Variants in UMAD1 observed in about 807,000 individuals in gnomAD.
The protein encoded by UMAD1 is UBAP1-MVB12-associated (UMA)-domain containing protein 1.
Under a neutral mutation model 6.1 loss-of-function variants are expected in UMAD1, and 8 were observed. The observed-to-expected ratio is 1.30, with a 90% CI of 0.76 to 2.35. The LOEUF (loss-of-function observed/expected upper bound fraction) is 2.35, where lower values mean the gene tolerates loss of function less well. Ranked by LOEUF, UMAD1 falls within the 30% of genes most tolerant of loss-of-function variation. UMAD1 has a pLI of 0.00. For synonymous variants in UMAD1, 56 were observed against 31.4 expected, an observed-to-expected ratio of 1.78 and a Z score of -2.61; for missense variants, 130 against 78.4, an observed-to-expected ratio of 1.66 and a Z score of -2.49.
chr7:7,841,124 A>C (rs1316130309), intron 3 of UMAD1, among the ~76,000 whole-genome samples: 1 of 152,172 alleles, frequency 6.6e-6, no homozygotes, highest in Non-Finnish European at 1.5e-5. Context: ...TTTATTTTAC[A>C]TTCCCAAATT....
intron 3 of UMAD1, among the ~76,000 whole-genome samples, chr7:7,870,142 T>G (rs1784307781): frequency 6.6e-6 from 1 of 152,242 alleles, no homozygotes; most frequent in Non-Finnish European, 1.5e-5. Context: ...AAGAAATAGT[T>G]TTTATACAAA....
intron 2 of UMAD1, among the ~76,000 whole-genome samples, chr7:7,754,890 G>A (rs1319772876): frequency 1.3e-5 from 2 of 151,940 alleles, no homozygotes; most frequent in East Asian, 1.9e-4. Flanking sequence ...CAACTTAACC[G>A]TATGATTGCA....
At chr7:7,683,999 A>G (rs909248195) in intron 2 of UMAD1, among the ~76,000 whole-genome samples, 3 of 152,298 alleles carry the variant, frequency 2.0e-5, no homozygotes, top group African/African-American at 7.2e-5. Context: ...CCCCGCTCAT[A>G]CCAAAATCCA....
intron 2 of UMAD1, among the ~76,000 whole-genome samples, chr7:7,761,363 TA>T (rs375910269): frequency 6.5e-4 from 79 of 120,926 alleles, no homozygotes; most frequent in Admixed American, 8.1e-4. Flanking sequence ...GAGACCTAAC[TA>T]AAAAAAAAAA....
At chr7:7,663,496 C>G (rs1785528474) in intron 1 of UMAD1, among the ~76,000 whole-genome samples, 1 of 152,030 alleles carries the variant, frequency 6.6e-6, no homozygotes, top group Admixed American at 6.6e-5. Context: ...AAATAAAAAA[C>G]CTAGGTGGGA....
chr7:7,657,800 A>C (rs1166729929), intron 1 of UMAD1, among the ~76,000 whole-genome samples: 2 of 152,004 alleles, frequency 1.3e-5, no homozygotes, highest in African/African-American at 4.8e-5. Context: ...TGTGGGCTCT[A>C]TTTTGGTTCT....
chr7:7,840,684 C>A (rs985845531), intron 3 of UMAD1, among the ~76,000 whole-genome samples: 1 of 152,098 alleles, frequency 6.6e-6, no homozygotes, highest in Admixed American at 6.5e-5. Context: ...TTGTCATCAT[C>A]ATTATTATTG....
chr7:7,743,727 T>C (rs554968162), intron 2 of UMAD1, among the ~76,000 whole-genome samples: 1 of 151,406 alleles, frequency 6.6e-6, no homozygotes, highest in East Asian at 1.9e-4. Flanking sequence ...TATACATATA[T>C]ATTTTCCATT....
At chr7:7,840,256 A>G (rs1783652614) in intron 3 of UMAD1, among the ~76,000 whole-genome samples, 1 of 152,078 alleles carries the variant, frequency 6.6e-6, no homozygotes, top group South Asian at 2.1e-4. Flanking sequence ...TTGAAAGAAA[A>G]GGATTTTGGA....
intron 2 of UMAD1, among the ~76,000 whole-genome samples, chr7:7,781,475 A>C (rs1444084193): frequency 6.6e-6 from 1 of 152,044 alleles, no homozygotes; most frequent in Non-Finnish European, 1.5e-5. Context: ...TTAATGTGGA[A>C]AAAAATGTCA....
At chr7:7,843,950 A>C (rs933351366) in intron 3 of UMAD1, among the ~76,000 whole-genome samples, 1 of 152,096 alleles carries the variant, frequency 6.6e-6, no homozygotes, top group African/African-American at 2.4e-5. Context: ...TAAAATTGAC[A>C]TTTGCTTGCA....
chr7:7,797,314 A>G (rs1162970138), intron 2 of UMAD1, among the ~76,000 whole-genome samples: 2 of 152,210 alleles, frequency 1.3e-5, no homozygotes, highest in African/African-American at 2.4e-5. Context: ...CCCACCTGCA[A>G]CATTCGAGGT....
intron 2 of UMAD1, among the ~76,000 whole-genome samples, chr7:7,741,682 C>T (rs1019243989): frequency 5.3e-5 from 8 of 151,138 alleles, no homozygotes; most frequent in Admixed American, 2.0e-4. Flanking sequence ...TGAGGTCCTC[C>T]CTGCTTATTG....
chr7:7,856,915 A>T (rs562260233), intron 3 of UMAD1, among the ~76,000 whole-genome samples: 4 of 152,036 alleles, frequency 2.6e-5, no homozygotes, highest in African/African-American at 9.7e-5. Flanking sequence ...AATAGTTTTT[A>T]TGTTTCCTTC....
chr7:7,653,142 G>A (rs1014342149), intron 1 of UMAD1, among the ~76,000 whole-genome samples: 10 of 151,984 alleles, frequency 6.6e-5, no homozygotes, highest in Non-Finnish European at 1.5e-4. Context: ...TCTTTTGCAG[G>A]GTGTTTTTTC....
chr7:7,857,702 A>G (rs1282438970), intron 3 of UMAD1, among the ~76,000 whole-genome samples: 1 of 152,230 alleles, frequency 6.6e-6, no homozygotes, highest in Non-Finnish European at 1.5e-5. Flanking sequence ...ACAGCCTGTA[A>G]TTTCAGGGTG....
intron 3 of UMAD1, among the ~76,000 whole-genome samples, chr7:7,861,414 C>A (rs548477306): frequency 2.0e-5 from 3 of 152,126 alleles, no homozygotes; most frequent in Non-Finnish European, 4.4e-5. Flanking sequence ...CTTTTCCAAC[C>A]CCATCTTCTA....
intron 2 of UMAD1, among the ~76,000 whole-genome samples, chr7:7,772,983 C>A (rs1251466732): frequency 1.3e-5 from 2 of 151,930 alleles, no homozygotes; most frequent in Admixed American, 6.6e-5. Flanking sequence ...TGCTATCATT[C>A]TGGTCCACAA....
At chr7:7,752,007 T>C (rs1306083319) in intron 2 of UMAD1, among the ~76,000 whole-genome samples, 1 of 152,192 alleles carries the variant, frequency 6.6e-6, no homozygotes, top group Non-Finnish European at 1.5e-5. Context: ...GTTTGAAAGA[T>C]ATTTTGAAAC....
Sources: allele counts gnomAD v4.1 joint callset (sites outside exome capture counted in the v4.1 genomes callset), GRCh38; gene constraint gnomAD v4.1.1; transcripts MANE v1.5; gene names NCBI Gene and HGNC (gene_info 2026-07-23, HGNC 2026-07-21).